NBAS: variants seen among roughly 807,000 people sequenced by gnomAD.
NBAS encodes the protein NAG/BC035112 fusion.
In NBAS, 219 loss-of-function variants were observed where a neutral mutation model predicts 302.5. The ratio of observed to expected loss-of-function variants is 0.72; its 90% CI spans 0.65 to 0.81. The LOEUF (loss-of-function observed/expected upper bound fraction) is 0.81. Among genes scored for constraint, NBAS ranks in the 30% least tolerant of loss-of-function variants. The probability of loss-of-function intolerance (pLI) is 0.00; values close to 1 mark genes in which losing one functional copy is unlikely to be tolerated. For synonymous variants in NBAS, 1,118 were observed against 1,021.6 expected, an observed-to-expected ratio of 1.09 and a Z score of -1.80; for missense variants, 2,932 against 2,841.6, an observed-to-expected ratio of 1.03 and a Z score of -0.72.
the NBAS span, among the ~76,000 whole-genome samples, chr2:14,962,158 C>T: frequency 1.3e-5 from 2 of 152,138 alleles, no homozygotes; most frequent in Admixed American, 6.5e-5. Flanking sequence ...GGATATTTTT[C>T]TTCACAGCGT....
chr2:15,292,317 TC>T (rs1165314678), intron 41 of NBAS, among the ~76,000 whole-genome samples: 5 of 152,172 alleles, frequency 3.3e-5, no homozygotes, highest in Non-Finnish European at 7.3e-5. Flanking sequence ...GATTTAAACA[TC>T]ATGGGAAACT....
At chr2:15,051,328 G>A in the NBAS span, among the ~76,000 whole-genome samples, 1 of 152,182 alleles carries the variant, frequency 6.6e-6, no homozygotes, top group African/African-American at 2.4e-5. Context: ...CAGGGAGCTG[G>A]CCAGGTGAAA....
chr2:14,891,179 G>T, the NBAS span, among the ~76,000 whole-genome samples: 1 of 152,164 alleles, frequency 6.6e-6, no homozygotes. Context: ...GTACCAGCCG[G>T]TGGGCAGACC....
At chr2:15,458,354 C>T (rs964928642) in intron 21 of NBAS, among the ~76,000 whole-genome samples, 12 of 152,302 alleles carry the variant, frequency 7.9e-5, no homozygotes, top group African/African-American at 2.9e-4. Flanking sequence ...CCAAATCTCA[C>T]ACTCAAATGT....
chr2:15,148,785 G>A, the NBAS span, among the ~76,000 whole-genome samples: 1 of 152,122 alleles, frequency 6.6e-6, no homozygotes, highest in Admixed American at 6.5e-5. Context: ...CTTTCTTGGA[G>A]TATTGTTCTG....
At chr2:15,150,646 G>GT in the NBAS span, among the ~76,000 whole-genome samples, 4 of 152,026 alleles carry the variant, frequency 2.6e-5, no homozygotes, top group Non-Finnish European at 4.4e-5. Context: ...CCCTTTTGTT[G>GT]TTTTTTCTGT....
chr2:14,849,868 A>G, the NBAS span, among the ~76,000 whole-genome samples: 15 of 137,402 alleles, frequency 1.1e-4, no homozygotes, highest in East Asian at 2.6e-3. Context: ...TACTTTACAG[A>G]CAAGCAAATG....
chr2:15,557,876 G>T (rs1053106258), intron 2 of NBAS, among the ~76,000 whole-genome samples: 1 of 152,128 alleles, frequency 6.6e-6, no homozygotes, highest in Non-Finnish European at 1.5e-5. Context: ...TCAGACTCTT[G>T]TTAGTTCATA....
chr2:14,818,843 C>A, the NBAS span, among the ~76,000 whole-genome samples: 1 of 152,242 alleles, frequency 6.6e-6, no homozygotes. Flanking sequence ...GAAGCACAGT[C>A]TTGCATTTCT....
chr2:14,959,448 G>A, the NBAS span, among the ~76,000 whole-genome samples: 4 of 152,120 alleles, frequency 2.6e-5, no homozygotes, highest in Non-Finnish European at 4.4e-5. Flanking sequence ...TTGATCCATT[G>A]TGGACCAGAG....
intron 44 of NBAS, among the ~76,000 whole-genome samples, chr2:15,248,766 A>T (rs1453761283): frequency 4.6e-5 from 7 of 152,202 alleles, no homozygotes; most frequent in Non-Finnish European, 1.0e-4. Context: ...CTAAACCAGA[A>T]GTTGAATCCC....
chr2:15,557,926 T>C (rs13035937), intron 2 of NBAS, among the ~76,000 whole-genome samples: 96,454 of 152,004 alleles, frequency 0.63, 31,355 homozygotes, highest in Non-Finnish European at 0.68. Context: ...CCCTGGCTTA[T>C]CAAATCTGTA....
intron 12 of NBAS, among the ~76,000 whole-genome samples, chr2:15,480,575 A>C (rs1287041939): frequency 1.3e-5 from 2 of 152,186 alleles, no homozygotes; most frequent in Non-Finnish European, 2.9e-5. Context: ...TTCAAGGGGT[A>C]CAAAGAAGTT....
intron 43 of NBAS, 29 bp downstream of exon 43, chr2:15,276,822 G>A: frequency 6.2e-7 from 1 of 1,613,654 alleles, no homozygotes; most frequent in East Asian, 2.2e-5. Flanking sequence ...TGAAAAGAAT[G>A]AATTCAAGCA....
the NBAS span, among the ~76,000 whole-genome samples, chr2:15,088,705 T>G: frequency 6.6e-6 from 1 of 152,210 alleles, no homozygotes; most frequent in Non-Finnish European, 1.5e-5. Context: ...GAGCATAGGA[T>G]GTTAGAGCTT....
At chr2:15,430,012 T>A (rs1394415656) in intron 21 of NBAS, among the ~76,000 whole-genome samples, 1 of 152,048 alleles carries the variant, frequency 6.6e-6, no homozygotes, top group South Asian at 2.1e-4. Flanking sequence ...GAGGAGAAAA[T>A]AAATAAACCT....
At chr2:15,121,125 C>A in the NBAS span, among the ~76,000 whole-genome samples, 4 of 152,280 alleles carry the variant, frequency 2.6e-5, no homozygotes, top group African/African-American at 9.6e-5. Context: ...CAAGCCAGCC[C>A]ATATGTCTAC....
chr2:15,297,076 G>A (rs964896327), intron 40 of NBAS, among the ~76,000 whole-genome samples: 4 of 152,122 alleles, frequency 2.6e-5, no homozygotes, highest in Admixed American at 6.5e-5. Flanking sequence ...GATGGAACAC[G>A]CCTACTGCTA....
intron 44 of NBAS, among the ~76,000 whole-genome samples, chr2:15,267,276 T>C (rs1669120831): frequency 6.6e-6 from 1 of 152,196 alleles, no homozygotes; most frequent in South Asian, 2.1e-4. Context: ...GCATGCAGAA[T>C]AGTGACTAAA....
Sources: gnomAD v4.1 joint callset for allele counts (sites outside exome capture counted in the v4.1 genomes callset) on GRCh38, gnomAD v4.1.1 for gene constraint, MANE v1.5 for transcripts, NCBI Gene and HGNC (gene_info 2026-07-23, HGNC 2026-07-21) for gene names.